Variants in BTF3L4 observed in about 807,000 individuals in gnomAD.
The protein encoded by BTF3L4 is transcription factor BTF3 homolog 4.
Under a neutral mutation model 16.8 loss-of-function variants are expected in BTF3L4, and 6 were observed. The ratio of observed to expected loss-of-function variants is 0.36; its 90% CI spans 0.20 to 0.71. The LOEUF is 0.71. Ranked by LOEUF, BTF3L4 falls within the 30% of genes least tolerant of loss-of-function variation. The pLI, the probability that BTF3L4 is intolerant of heterozygous loss-of-function variation, is 0.58. For missense variants in BTF3L4, 92 were observed against 186.9 expected (o/e 0.49, Z 2.96); for synonymous variants, 39 against 59.8 (o/e 0.65, Z 1.60).
chr1:52,073,453 A>G (rs1278056097), intron 3 of BTF3L4, among the ~76,000 whole-genome samples: 1 of 149,838 alleles, frequency 6.7e-6, no homozygotes, highest in Non-Finnish European at 1.5e-5. Context: ...TATGTACACT[A>G]TATATATGCA....
At chr1:52,078,728 T>C (rs1051871600) in intron 3 of BTF3L4, among the ~76,000 whole-genome samples, 1 of 152,152 alleles carries the variant, frequency 6.6e-6, no homozygotes, top group East Asian at 1.9e-4. Flanking sequence ...CTAACTACTA[T>C]ACACATCAGT....
chr1:52,080,858 T>C lies in BTF3L4; in HGVS notation c.169-2482T>C, dbSNP rs1398809162. On this transcript the variant is annotated intron_variant, in intron 3 of 5. Coordinates refer to ENST00000313334, the MANE Select transcript of BTF3L4 (RefSeq NM_152265.5). ...CTTCTTTTTTTTTTTTTTTTTTTTT[T>C]CTGAGAAAGTCTCACTCGGTAGCCA... 1.4e-4 allele frequency among the ~76,000 whole-genome samples: 12 copies of C among 86,602 alleles called. No individual in the cohort carries two copies. In the South Asian group the frequency reaches 2.8e-3, roughly 20 times the overall value. The allele number at this position is 86,602 out of a possible 152,430, so 56.8% of individuals were successfully genotyped here.
chr1:52,087,328 A>G lies in BTF3L4; in HGVS notation c.*570A>G, dbSNP rs1288897096. On this transcript the variant is annotated 3_prime_UTR_variant, in exon 6 of 6. Transcript: ENST00000313334. Reference sequence around the variant, plus strand: ...TTAAAATATCTTGAGGTATTTTGCCACTGGCTTCATGCTGGAGTAATGGGT... The same window carrying G: ...TTAAAATATCTTGAGGTATTTTGCCGCTGGCTTCATGCTGGAGTAATGGGT... The G allele has an allele frequency of 6.6e-6, 1 of 152,366 alleles. No homozygotes were observed. The highest frequency in any genetic ancestry group is 1.5e-5 in the Non-Finnish European group (1 of 68,042). The allele number at this position is 152,366 out of a possible 1,614,324, so 9.4% of individuals were successfully genotyped here.
chr1:52,068,701 G>A (rs1686712478), intron 3 of BTF3L4, among the ~76,000 whole-genome samples: 1 of 152,068 alleles, frequency 6.6e-6, no homozygotes, highest in Non-Finnish European at 1.5e-5. Flanking sequence ...CCAAAAAAAA[G>A]GGAAGGTAAG....
chr1:52,083,637 A>G (rs1158427978), intron 4 of BTF3L4, 96 bp downstream of exon 4: 1 of 968,774 alleles, frequency 1.0e-6, no homozygotes, highest in African/African-American at 1.7e-5. Context: ...ATTTGCCTGT[A>G]TGTAATTATT....
chr1:52,080,263 G>A (rs1385728097), intron 3 of BTF3L4, among the ~76,000 whole-genome samples: 2 of 152,000 alleles, frequency 1.3e-5, no homozygotes, highest in Admixed American at 6.6e-5. Flanking sequence ...TAAAGTCCTC[G>A]GTTTGCACTT....
At chr1:52,076,235 C>T (rs1369094448) in intron 3 of BTF3L4, among the ~76,000 whole-genome samples, 2 of 151,944 alleles carry the variant, frequency 1.3e-5, no homozygotes, top group African/African-American at 4.8e-5. Flanking sequence ...GAGATAGCAC[C>T]ACTGCATTCC....
chr1:52,058,757 A>G (rs1686437114), intron 1 of BTF3L4, among the ~76,000 whole-genome samples: 1 of 152,046 alleles, frequency 6.6e-6, no homozygotes, highest in Admixed American at 6.5e-5. Context: ...ATGTGCCACC[A>G]CGCCCGGCTA....
intron 1 of BTF3L4, among the ~76,000 whole-genome samples, chr1:52,056,728 GT>G (rs1463006804): frequency 2.6e-5 from 4 of 152,254 alleles, no homozygotes; most frequent in Non-Finnish European, 4.4e-5. Context: ...CAGGCTCTCT[GT>G]TGTCATCTCA....
chr1:52,075,413 T>C (rs2124434823), intron 3 of BTF3L4, among the ~76,000 whole-genome samples: 1 of 150,684 alleles, frequency 6.6e-6, no homozygotes, highest in Non-Finnish European at 1.5e-5. Flanking sequence ...CCAGCTACTC[T>C]CAGGAGGCTG....
At chr1:52,060,069 CT>C (rs1686470371) in intron 2 of BTF3L4, among the ~76,000 whole-genome samples, 168 bp downstream of exon 2, 1 of 152,132 alleles carries the variant, frequency 6.6e-6, no homozygotes, top group African/African-American at 2.4e-5. Flanking sequence ...AACTAGAACA[CT>C]TTTCTCTCTG....
Position 52,083,448 on chromosome 1 carries a change from C to A in BTF3L4, c.277C>A (p.Pro93Thr). Residue 93 changes from proline (P) to threonine (T), a missense_variant, in exon 4 of 6, where the codon CCA becomes ACA. Coordinates refer to ENST00000313334, the MANE Select transcript of BTF3L4 (RefSeq NM_152265.5). ...FAITGHAEAKPITEMLPGILS... is the reference protein window; with the variant it reads ...FAITGHAEAKTITEMLPGILS... ...AATTACTGGTCATGCAGAAGCCAAA[C>A]CAATCACAGAAATGCTTCCTGGAAT... The A allele has an allele frequency of 6.2e-7, 1 of 1,612,078 alleles. No individual in the cohort carries two copies. The highest frequency in any genetic ancestry group is 1.1e-5 in the South Asian group (1 of 91,040).
At chr1:52,073,060 A>G (rs1314674643) in intron 3 of BTF3L4, among the ~76,000 whole-genome samples, 1 of 152,156 alleles carries the variant, frequency 6.6e-6, no homozygotes, top group Non-Finnish European at 1.5e-5. Context: ...TCTGTCTCAA[A>G]AAAAGAAAAA....
chr1:52,079,538 ATTTAT>A (rs1643896418), intron 3 of BTF3L4, among the ~76,000 whole-genome samples: 1 of 152,278 alleles, frequency 6.6e-6, no homozygotes, highest in South Asian at 2.1e-4. Flanking sequence ...CCATGAATAA[ATTTAT>A]TTATGTTTCA....
intron 2 of BTF3L4, among the ~76,000 whole-genome samples, chr1:52,061,286 C>A (rs912988817): frequency 3.3e-5 from 5 of 151,940 alleles, no homozygotes; most frequent in African/African-American, 4.8e-5. Flanking sequence ...GTCAGGAGTT[C>A]AAGACCAGCC....
intron 2 of BTF3L4, among the ~76,000 whole-genome samples, chr1:52,063,043 C>T (rs1197259144): frequency 6.6e-6 from 1 of 152,172 alleles, no homozygotes; most frequent in African/African-American, 2.4e-5. Context: ...TGCTGTGCTG[C>T]CGTGTTCCTA....
At chr1:52,077,818 G>T (rs958071722) in intron 3 of BTF3L4, among the ~76,000 whole-genome samples, 20 of 152,110 alleles carry the variant, frequency 1.3e-4, no homozygotes, top group Admixed American at 6.5e-5. Flanking sequence ...GCAAAGGTAG[G>T]GATTGTTAAG....
intron 1 of BTF3L4, among the ~76,000 whole-genome samples, chr1:52,059,076 C>A (rs188672045): frequency 9.9e-5 from 15 of 150,936 alleles, no homozygotes; most frequent in South Asian, 2.1e-4. Flanking sequence ...TCCTCTCTGC[C>A]CCCCCCCAAC....
At position 52,068,706 on chromosome 1, in the gene BTF3L4, G is replaced by A. The variant is rs79647152; in HGVS notation, c.168+3768G>A. ...TCCTCCCCCACCAAAAAAAAGGGAA[G>A]GTAAGAGGTTCACCTGCCTTATATA... On this transcript the variant is annotated intron_variant, in intron 3 of 5. Coordinates refer to ENST00000313334, the MANE Select transcript of BTF3L4 (RefSeq NM_152265.5). Among the ~76,000 whole-genome samples the A allele has an allele frequency of 5.9e-3, 903 of 152,216 alleles. 5 individuals are homozygous for A. Among genetic ancestry groups the A allele is most frequent in the African/African-American group, 0.021 (861 of 41,524 alleles).
Sources: gnomAD v4.1 joint callset for allele counts (sites outside exome capture counted in the v4.1 genomes callset) on GRCh38, gnomAD v4.1.1 for gene constraint, MANE v1.5 for transcripts, NCBI Gene and HGNC (gene_info 2026-07-23, HGNC 2026-07-21) for gene names.